Variants in ERCC6L2 observed in about 807,000 individuals in gnomAD.
ERCC6L2 encodes the protein ERCC excision repair 6 like 2, also known as DNA excision repair protein ERCC-6-like 2.
A neutral mutation model predicts 132.0 loss-of-function variants in ERCC6L2; 77 were observed. That is an observed-to-expected ratio of 0.58 (90% confidence interval 0.49 to 0.71). The LOEUF is 0.71. ERCC6L2 is among the 30% of genes least tolerant of loss of function. ERCC6L2 has a pLI of 0.00. For missense variants in ERCC6L2, 1,542 were observed against 1,837.6 expected, an observed-to-expected ratio of 0.84 and a Z score of 2.94; for synonymous variants, 583 against 632.4, an observed-to-expected ratio of 0.92 and a Z score of 1.17.
At chr9:95,894,103 A>G (rs1225781493) in intron 2 of ERCC6L2, among the ~76,000 whole-genome samples, 1 of 151,736 alleles carries the variant, frequency 6.6e-6, no homozygotes, top group Non-Finnish European at 1.5e-5. Flanking sequence ...TGCTCAGAAC[A>G]CTTACGTTAG....
chr9:95,986,878 AG>A (rs1348095299), intron 17 of ERCC6L2, among the ~76,000 whole-genome samples: 1 of 152,232 alleles, frequency 6.6e-6, no homozygotes, highest in East Asian at 1.9e-4. Flanking sequence ...TAATTTATAA[AG>A]AAAAAGGTTT....
chr9:95,887,402 A>G (rs987109430), intron 2 of ERCC6L2, among the ~76,000 whole-genome samples: 3 of 152,234 alleles, frequency 2.0e-5, no homozygotes, highest in African/African-American at 7.2e-5. Flanking sequence ...TTGAATCAAA[A>G]TAATTTAGTT....
chr9:96,036,289 A>G (rs548725577), intron 19 of ERCC6L2, among the ~76,000 whole-genome samples: 1 of 152,292 alleles, frequency 6.6e-6, no homozygotes, highest in South Asian at 2.1e-4. Context: ...TTGGAAGTAC[A>G]CAGAATTTGT....
chr9:96,008,690 T>C (rs141548232), intron 18 of ERCC6L2, among the ~76,000 whole-genome samples: 1 of 152,346 alleles, frequency 6.6e-6, no homozygotes, highest in African/African-American at 2.4e-5. Flanking sequence ...AACTGACTTA[T>C]GAAGGCACAC....
At chr9:95,992,885 A>C (rs1354336718) in intron 17 of ERCC6L2, among the ~76,000 whole-genome samples, 1 of 152,188 alleles carries the variant, frequency 6.6e-6, no homozygotes, top group Non-Finnish European at 1.5e-5. Flanking sequence ...GTGATACGAC[A>C]TATAACAGGT....
chr9:95,893,346 T>A (rs896731727), intron 2 of ERCC6L2, among the ~76,000 whole-genome samples: 1 of 152,232 alleles, frequency 6.6e-6, no homozygotes, highest in Non-Finnish European at 1.5e-5. Flanking sequence ...TTCTGTGTTC[T>A]GTGTGCTAAT....
intron 11 of ERCC6L2, among the ~76,000 whole-genome samples, chr9:95,932,669 G>A (rs1045813902): frequency 6.6e-6 from 1 of 151,960 alleles, no homozygotes; most frequent in South Asian, 2.1e-4. Flanking sequence ...TGGATACTTC[G>A]TTTGACCTTT....
chr9:95,913,026 G>A (rs973134096), intron 4 of ERCC6L2, among the ~76,000 whole-genome samples: 3 of 152,158 alleles, frequency 2.0e-5, no homozygotes, highest in Non-Finnish European at 4.4e-5. Context: ...TTGTCCCACA[G>A]GTTAAGAAGG....
At chr9:96,001,296 A>T (rs1189863348) in intron 17 of ERCC6L2, among the ~76,000 whole-genome samples, 1 of 152,140 alleles carries the variant, frequency 6.6e-6, no homozygotes, top group East Asian at 1.9e-4. Context: ...GCCTGCTTTT[A>T]TTCTCTTATC....
At chr9:95,945,599 C>T (rs937190137) in intron 12 of ERCC6L2, among the ~76,000 whole-genome samples, 1 of 152,188 alleles carries the variant, frequency 6.6e-6, no homozygotes, top group Non-Finnish European at 1.5e-5. Context: ...GAAGTAAAGA[C>T]AGGCGTAAGA....
chr9:95,893,429 T>A (rs1473344449), intron 2 of ERCC6L2, among the ~76,000 whole-genome samples: 1 of 152,194 alleles, frequency 6.6e-6, no homozygotes, highest in Non-Finnish European at 1.5e-5. Flanking sequence ...TATAATGTTC[T>A]TGTCAGGTTT....
intron 18 of ERCC6L2, 27 bp from the exon 19 acceptor site, chr9:96,012,198 C>A (rs375948271): frequency 5.9e-6 from 7 of 1,191,394 alleles, no homozygotes; most frequent in Non-Finnish European, 7.6e-6. Context: ...TGAAAATAAC[C>A]ACTAGTTTTG....
intron 18 of ERCC6L2, among the ~76,000 whole-genome samples, chr9:96,011,294 CTGTG>C (rs1275639154): frequency 6.6e-6 from 1 of 152,230 alleles, no homozygotes; most frequent in Non-Finnish European, 1.5e-5. Context: ...GAGAAAGAAA[CTGTG>C]TGGGTTCTCT....
intron 17 of ERCC6L2, among the ~76,000 whole-genome samples, chr9:95,997,012 C>T (rs1833493619): frequency 6.6e-6 from 1 of 152,196 alleles, no homozygotes. Flanking sequence ...CTGGGAGAAT[C>T]ACTTGAAACC....
chr9:95,899,632 G>A (rs1023622158), intron 3 of ERCC6L2, among the ~76,000 whole-genome samples: 101 of 132,038 alleles, frequency 7.6e-4, no homozygotes, highest in Non-Finnish European at 5.2e-4. Flanking sequence ...GTGTGTGTGT[G>A]CGTATGTATG....
chr9:95,915,562 GA>G, intron 4 of ERCC6L2, 105 bp from the exon 5 acceptor site: 1 of 1,226,490 alleles, frequency 8.2e-7, no homozygotes, highest in Non-Finnish European at 1.1e-6. Context: ...GAGTAAAAAG[GA>G]AAAAATAATT....
At chr9:95,971,728 G>C (rs1448508198) in intron 15 of ERCC6L2, 2 of 209,694 alleles carry the variant, frequency 9.5e-6, no homozygotes, top group Non-Finnish European at 1.9e-5. Flanking sequence ...TTTTTATTTT[G>C]CAACAATATT....
chr9:96,032,825 T>A (rs567438244), intron 19 of ERCC6L2, among the ~76,000 whole-genome samples: 1 of 152,270 alleles, frequency 6.6e-6, no homozygotes, highest in Non-Finnish European at 1.5e-5. Flanking sequence ...TGTTTGTAGG[T>A]CAAATCTCAA....
rs754168035 is a variant in ERCC6L2, at chr9:95,915,797, C to G, written c.918C>G (p.Asn306Lys). 1.2e-6 allele frequency: 2 copies of G among 1,612,820 alleles called. No homozygotes were observed. The highest frequency in any genetic ancestry group is 1.1e-5 in the South Asian group (1 of 90,750). Residue 306 changes from asparagine (N) to lysine (K), a missense_variant, in exon 5 of 19, where the codon AAC (asparagine) becomes AAG (lysine). By Grantham distance (94) the Asn-to-Lys change is moderately conservative. Around this residue, in one of 4 missense-constraint regions of ERCC6L2, gnomAD observed 945 missense variants for 1,105.2 expected, o/e 0.86. Coordinates refer to ENST00000653738, the MANE Select transcript of ERCC6L2 (RefSeq NM_020207.7). ...GCCTCACTGGAACCATCCTTCAGAACAACATGAAGGAACTGTGGTGTGTTA... is the reference window on the plus strand; with the variant it reads ...GCCTCACTGGAACCATCCTTCAGAAGAACATGAAGGAACTGTGGTGTGTTA... ...RIGLTGTILQ[N>K]NMKELWCVMD...
Sources: gnomAD v4.1 joint callset for allele counts (sites outside exome capture counted in the v4.1 genomes callset) on GRCh38, gnomAD v4.1.1 for gene constraint, gnomAD v4.1.1 regional missense constraint, MANE v1.5 for transcripts, NCBI Gene and HGNC (gene_info 2026-07-23, HGNC 2026-07-21) for gene names.